TRNT1: variants seen among roughly 807,000 people sequenced by gnomAD.
TRNT1 encodes the protein CCA tRNA nucleotidyltransferase 1, mitochondrial.
A neutral mutation model predicts 45.6 loss-of-function variants in TRNT1; 44 were observed. That is an observed-to-expected ratio of 0.97 (90% CI 0.76 to 1.24). The LOEUF is 1.24. Among genes scored for constraint, TRNT1 ranks in the 50% most tolerant of loss-of-function variants. The probability of loss-of-function intolerance (pLI) is 0.00; values close to 1 mark genes in which losing one functional copy is unlikely to be tolerated. For missense variants in TRNT1, 633 were observed against 504.4 expected (o/e 1.25, Z -2.44); for synonymous variants, 201 against 171.4 (o/e 1.17, Z -1.35).
chr3:3,150,267 TTCGTGGGCTCAA>T (rs1000967373), downstream of TRNT1: 1 of 152,546 alleles, frequency 6.6e-6, no homozygotes, highest in African/African-American at 2.4e-5. Context: ...ATGACAACTA[TTCGTGGGCTCAA>T]AAAACTGCAT....
intron 1 of TRNT1, chr3:3,127,789 C>G (rs759410965): frequency 3.3e-5 from 5 of 152,184 alleles, no homozygotes; most frequent in Non-Finnish European, 5.9e-5. Flanking sequence ...AAGCCCTGCT[C>G]TGGGGAGAGT....
downstream of TRNT1, among the ~76,000 whole-genome samples, chr3:3,151,200 AC>A (rs1346476779): frequency 6.6e-6 from 1 of 152,316 alleles, no homozygotes; most frequent in African/African-American, 2.4e-5. Context: ...AAACCTAAAA[AC>A]ATTTCTAAAA....
At chr3:3,130,159 T>C (rs765949495) in intron 2 of TRNT1, 1 of 596,408 alleles carries the variant, frequency 1.7e-6, no homozygotes, top group Non-Finnish European at 3.0e-6. Context: ...TTCATAAATA[T>C]ATTTAGTAGT....
At chr3:3,136,810 G>C (rs1296019385) in intron 2 of TRNT1, 1 of 336,552 alleles carries the variant, frequency 3.0e-6, no homozygotes, top group Non-Finnish European at 5.8e-6. Context: ...GTGCGCCACT[G>C]AACCTGGCTA....
At chr3:3,152,616 C>T (rs755833083), downstream of TRNT1, 25 of 1,613,386 alleles carry the variant, frequency 1.5e-5, no homozygotes, top group Admixed American at 3.3e-5. Flanking sequence ...ATGGAGAACA[C>T]GTCAAAACGA....
chr3:3,136,822 T>G (rs966967824), intron 2 of TRNT1: 2 of 333,568 alleles, frequency 6.0e-6, no homozygotes, highest in African/African-American at 4.4e-5. Context: ...ACCTGGCTAT[T>G]TTTATTTTTT....
At chr3:3,144,524 T>C in intron 4 of TRNT1, 60 bp from the exon 5 acceptor site, 1 of 1,486,068 alleles carries the variant, frequency 6.7e-7, no homozygotes, top group Non-Finnish European at 9.2e-7. Flanking sequence ...CTGATTTTCT[T>C]GTGTTTTCAA....
chr3:3,134,161 C>T (rs954249734), intron 2 of TRNT1, among the ~76,000 whole-genome samples: 3 of 152,112 alleles, frequency 2.0e-5, no homozygotes, highest in Non-Finnish European at 4.4e-5. Flanking sequence ...TGAATTATTT[C>T]ATTGAATGTA....
chr3:3,132,735 A>AC (rs1431285070), intron 2 of TRNT1, among the ~76,000 whole-genome samples: 1 of 132,900 alleles, frequency 7.5e-6, no homozygotes, highest in Non-Finnish European at 1.6e-5. Flanking sequence ...TTGAAGGAAA[A>AC]AAAAAAAAAC....
rs606231290 is a variant in TRNT1 at position 3,140,628 on chromosome 3, C to T, written c.461C>T (p.Thr154Ile). 4 of 1,613,868 alleles carry T rather than the reference C, an allele frequency of 2.5e-6. No homozygotes were observed. The highest frequency in any genetic ancestry group is 1.3e-5 in the African/African-American group (1 of 74,916). Residue 154 changes from threonine (T) to isoleucine (I), a missense_variant, in exon 4 of 8, where the codon ACT (threonine) becomes ATT (isoleucine). By Grantham distance (89) the Thr-to-Ile change is moderately conservative. Transcript: ENST00000251607. Reference protein sequence around the residue: ...WQKDAERRDLTINSMFLGFDG... With the variant: ...WQKDAERRDLIINSMFLGFDG... ...AAAGATGCGGAACGCAGAGATCTCA[C>T]TATAAATTCTATGTTTTTAGGTAAT...
At chr3:3,133,423 G>C (rs1159893863) in intron 2 of TRNT1, among the ~76,000 whole-genome samples, 1 of 152,054 alleles carries the variant, frequency 6.6e-6, no homozygotes. Flanking sequence ...GCCAGTTACA[G>C]TGATGCACAC....
chr3:3,138,996 G>T lies in TRNT1; in HGVS notation c.343-1514G>T, dbSNP rs112299261. Among the ~76,000 whole-genome samples the T allele has an allele frequency of 1.7e-3, 259 of 152,280 alleles. 2 individuals are homozygous for T. Among genetic ancestry groups the T allele is most frequent in the African/African-American group, 5.1e-3 (211 of 41,556 alleles). On this transcript the variant is annotated intron_variant, in intron 3 of 7. Coordinates refer to ENST00000251607, the MANE Select transcript of TRNT1 (RefSeq NM_182916.3). The stretch of plus-strand genomic sequence containing the variant: ...GTTTTCATTAGGAGAAATCAGAGAA[G>T]AATACTCCAGTATTATGCCAGGGAA...
chr3:3,131,023 G>A (rs572793947), intron 2 of TRNT1, among the ~76,000 whole-genome samples: 1 of 151,884 alleles, frequency 6.6e-6, no homozygotes, highest in Non-Finnish European at 1.5e-5. Context: ...GGGGCTTGCG[G>A]TAAGCCGAGA....
chr3:3,130,223 G>T, intron 2 of TRNT1: 1 of 426,038 alleles, frequency 2.3e-6, no homozygotes, highest in South Asian at 3.2e-5. Flanking sequence ...TTCACCTGGG[G>T]AGCTTTTAAA....
downstream of TRNT1, chr3:3,150,739 G>GTAATGTTATGTTTACTTAGGTAT (rs1406867389): frequency 4.8e-5 from 45 of 937,664 alleles, no homozygotes; most frequent in Non-Finnish European, 5.6e-5. Flanking sequence ...AACCCTCCAA[G>GTAATGTTATGTTTACTTAGGTAT]TAATGTTATG....
At chr3:3,140,104 T>C (rs1705553998) in intron 3 of TRNT1, among the ~76,000 whole-genome samples, 1 of 152,218 alleles carries the variant, frequency 6.6e-6, no homozygotes, top group African/African-American at 2.4e-5. Flanking sequence ...TTTATCAGTC[T>C]TTCGCTCAAT....
At chr3:3,135,456 A>G (rs1705267892) in intron 2 of TRNT1, among the ~76,000 whole-genome samples, 1 of 151,918 alleles carries the variant, frequency 6.6e-6, no homozygotes, top group Non-Finnish European at 1.5e-5. Flanking sequence ...TGGAGGCTGG[A>G]TTTAAGGGAG....
At chr3:3,129,389 G>A in intron 2 of TRNT1, 1 of 527,682 alleles carries the variant, frequency 1.9e-6, no homozygotes, top group South Asian at 2.3e-5. Flanking sequence ...CAAAATGCTG[G>A]GATTACAGGT....
Position 3,146,440 on chromosome 3 carries a change from A to C in TRNT1, c.619A>C (p.Arg207=), listed in dbSNP as rs1706023660. 6.2e-7 allele frequency: 1 copy of C among 1,608,700 alleles called. No homozygotes were observed. Among genetic ancestry groups the C allele is most frequent in the Non-Finnish European group, 8.5e-7 (1 of 1,178,450 alleles). The part of the protein sequence containing the change: ...RILRYFRFYG[R]IVDKPGDHDP... ...GATTTTGTCTTGTAGGTTTTATGGG[A>C]GAATTGTAGACAAACCTGGTGACCA... The change falls in exon 6 of 8, where the codon AGA becomes CGA. Residue 207 remains arginine (R), a synonymous_variant. Transcript: ENST00000251607.
Sources: gnomAD v4.1 joint callset for allele counts (sites outside exome capture counted in the v4.1 genomes callset) on GRCh38, gnomAD v4.1.1 for gene constraint, MANE v1.5 for transcripts, NCBI Gene and HGNC (gene_info 2026-07-23, HGNC 2026-07-21) for gene names.